The following RIC1 variants were observed in gnomAD, a reference collection of about 807,000 sequenced individuals.
RIC1 encodes guanine nucleotide exchange factor subunit RIC1.
Under a neutral mutation model 169.0 loss-of-function variants are expected in RIC1, and 88 were observed. That is an observed-to-expected ratio of 0.52 (90% CI 0.44 to 0.62). RIC1 has a LOEUF of 0.62. Ranked by LOEUF, RIC1 falls within the 20% of genes least tolerant of loss-of-function variation. The probability of loss-of-function intolerance (pLI) is 0.00; values close to 1 mark genes in which losing one functional copy is unlikely to be tolerated. For synonymous variants in RIC1, 790 were observed against 601.5 expected (o/e 1.31, Z -4.59); for missense variants, 1,877 against 1,725.5 (o/e 1.09, Z -1.56).
At chr9:5,738,028 T>G (rs557558471) in intron 7 of RIC1, among the ~76,000 whole-genome samples, 2 of 152,210 alleles carry the variant, frequency 1.3e-5, no homozygotes, top group South Asian at 4.1e-4. Flanking sequence ...GCAGTTCAGA[T>G]CCATGTTGTT....
intron 6 of RIC1, among the ~76,000 whole-genome samples, chr9:5,727,524 C>T (rs1243075896): frequency 6.6e-6 from 1 of 152,200 alleles, no homozygotes. Flanking sequence ...TACTGATCGT[C>T]TGAAGCCTTC....
Position 5,763,020 on chromosome 9 carries a change from T to C in RIC1, c.2113-120T>C. ...AACTCTAATTCTAATTAGATCCCTT[T>C]GCTTTTCCCAAAAAAATATTATACT... On this transcript the variant is annotated intron_variant, in intron 18 of 25. Coordinates refer to ENST00000414202, the MANE Select transcript of RIC1 (RefSeq NM_020829.4). This position sits in a 1 kb window ranked among gnomAD's most constrained non-coding sequence, Gnocchi z 5.2. 1 of 1,228,946 alleles carries C rather than the reference T, an allele frequency of 8.1e-7. No individual in the cohort carries two copies. The highest frequency in any genetic ancestry group is 1.6e-5 in the South Asian group (1 of 62,270). The allele number at this position is 1,228,946 out of a possible 1,614,324, so 76.1% of individuals were successfully genotyped here. A position where few individuals can be genotyped will look rare whatever the true frequency, so the allele number is the denominator to read the frequency against.
intron 3 of RIC1, among the ~76,000 whole-genome samples, chr9:5,692,512 G>T (rs2130724747): frequency 6.6e-6 from 1 of 151,632 alleles, no homozygotes; most frequent in East Asian, 1.9e-4. Context: ...TTACTTCTTT[G>T]CCAGAGTCTA....
At chr9:5,726,922 T>G (rs1024561252) in intron 6 of RIC1, among the ~76,000 whole-genome samples, 1 of 152,230 alleles carries the variant, frequency 6.6e-6, no homozygotes, top group Admixed American at 6.5e-5. Context: ...CTTAGAGATC[T>G]GCTGTTAGTC....
intron 2 of RIC1, among the ~76,000 whole-genome samples, chr9:5,680,720 C>G (rs987922015): frequency 6.7e-6 from 1 of 149,392 alleles, no homozygotes; most frequent in Non-Finnish European, 1.5e-5. Context: ...TTTATTGCGT[C>G]TGTTTGATTC....
intron 3 of RIC1, among the ~76,000 whole-genome samples, chr9:5,707,344 T>C (rs954880005): frequency 6.6e-6 from 1 of 152,160 alleles, no homozygotes; most frequent in African/African-American, 2.4e-5. Flanking sequence ...GAGAATAATA[T>C]GTATTCTGCT....
chr9:5,629,199 C>G lies in RIC1; in HGVS notation c.-111C>G. 9.9e-7 allele frequency: 1 copy of G among 1,014,738 alleles called. No individual in the cohort carries two copies. Among genetic ancestry groups the G allele is most frequent in the Non-Finnish European group, 1.3e-6 (1 of 786,200 alleles). The allele number at this position is 1,014,738 out of a possible 1,614,324, so 62.9% of individuals were successfully genotyped here. A position where few individuals can be genotyped will look rare whatever the true frequency, so the allele number is the denominator to read the frequency against. Reference sequence around the variant, plus strand: ...CCAGCGGGCAGATGCCCCGAGCTGCCGCCGCCGCCGCCGCCGACTCGGCCG... The same window carrying G: ...CCAGCGGGCAGATGCCCCGAGCTGCGGCCGCCGCCGCCGCCGACTCGGCCG... On this transcript the variant is annotated 5_prime_UTR_variant, in exon 1 of 26. Coordinates refer to ENST00000414202, the MANE Select transcript of RIC1 (RefSeq NM_020829.4).
intron 2 of RIC1, among the ~76,000 whole-genome samples, chr9:5,686,785 A>G (rs1821269011): frequency 6.6e-6 from 1 of 152,186 alleles, no homozygotes; most frequent in African/African-American, 2.4e-5. Context: ...AATAATAAAA[A>G]AAAAGAATAT....
rs1252208295 is a variant in RIC1, at chr9:5,629,448, A to T, written c.139A>T (p.Ser47Cys). The change falls in exon 1 of 26, where the codon AGC (serine) becomes TGC (cysteine). Residue 47 changes from serine to cysteine, a missense_variant. By Grantham distance (112) the Ser-to-Cys change is moderately radical. Transcript: ENST00000414202. ...CGCGGCCCGCCTCAGCATCTGGTAC[A>T]GCCGAGTAAGTAGAGCCGCCCGCCG... Reference protein sequence around the residue: ...LAAARLSIWYSRPSVLIVTYK... With the variant: ...LAAARLSIWYCRPSVLIVTYK... The T allele has an allele frequency of 2.0e-6, 3 of 1,530,466 alleles. No homozygotes were observed. In the East Asian group the frequency reaches 7.4e-5, roughly 38 times the overall value. The allele number at this position is 1,530,466 out of a possible 1,614,324, so 94.8% of individuals were successfully genotyped here.
At chr9:5,647,930 G>A (rs1310612830) in intron 1 of RIC1, among the ~76,000 whole-genome samples, 1 of 140,494 alleles carries the variant, frequency 7.1e-6, no homozygotes, top group Non-Finnish European at 1.5e-5. Context: ...TTGTGTGTGT[G>A]GGGGTGGGTG....
intron 3 of RIC1, among the ~76,000 whole-genome samples, chr9:5,705,242 G>A (rs1822510233): frequency 3.1e-5 from 4 of 130,448 alleles, no homozygotes; most frequent in Admixed American, 1.6e-4. Context: ...GGTAGAAATT[G>A]CATTTAATCT....
intron 4 of RIC1, among the ~76,000 whole-genome samples, chr9:5,715,909 A>G (rs1823210320): frequency 6.6e-6 from 1 of 151,044 alleles, no homozygotes. Context: ...TTGCAGCGGC[A>G]TGATCACAGC....
At chr9:5,760,048 T>C (rs1483007503) in intron 17 of RIC1, among the ~76,000 whole-genome samples, 1 of 152,180 alleles carries the variant, frequency 6.6e-6, no homozygotes. Context: ...AATTGACTGA[T>C]TACCATAGAG....
rs1827584965 is a variant in RIC1 at position 5,776,338 on chromosome 9, C to T, written c.*2092C>T. 6.6e-6 allele frequency: 1 copy of T among 152,014 alleles called. No homozygotes were observed. Among genetic ancestry groups the T allele is most frequent in the South Asian group, 2.1e-4 (1 of 4,822 alleles). 9.4% of individuals were successfully genotyped at this position (152,014 alleles called of 1,614,324 possible). On this transcript the variant is annotated 3_prime_UTR_variant, in exon 26 of 26. Coordinates refer to ENST00000414202, the MANE Select transcript of RIC1 (RefSeq NM_020829.4). Reference sequence around the variant, plus strand: ...TTATTGTGGTGTTTGGTTCACATATCAACTGTTTAAGCCATAATTTTAGCC... The same window carrying T: ...TTATTGTGGTGTTTGGTTCACATATTAACTGTTTAAGCCATAATTTTAGCC...
intron 3 of RIC1, among the ~76,000 whole-genome samples, chr9:5,694,261 A>T (rs1015971323): frequency 8.5e-5 from 13 of 152,368 alleles, no homozygotes; most frequent in African/African-American, 3.1e-4. Flanking sequence ...GTGACAAGAG[A>T]TCTGAATTAG....
At chr9:5,648,181 G>C (rs1818626289) in intron 1 of RIC1, among the ~76,000 whole-genome samples, 1 of 151,970 alleles carries the variant, frequency 6.6e-6, no homozygotes, top group Admixed American at 6.6e-5. Flanking sequence ...ACAGGGTTTT[G>C]CCATGTTGTT....
rs950679298 is a variant in RIC1 at position 5,775,228 on chromosome 9, G to A, written c.*982G>A. 6 of 152,288 alleles carry A rather than the reference G, an allele frequency of 3.9e-5. No individual in the cohort carries two copies. In the South Asian group the frequency reaches 1.2e-3, roughly 32 times the overall value. 9.4% of individuals were successfully genotyped at this position (152,288 alleles called of 1,614,324 possible). On this transcript the variant is annotated 3_prime_UTR_variant, in exon 26 of 26. Transcript: ENST00000414202. ...TGCTTTTGTAAATTGAATAAAGATGGACTTCTATGTAAATAGACTGCTGAA... is the reference window on the plus strand; with the variant it reads ...TGCTTTTGTAAATTGAATAAAGATGAACTTCTATGTAAATAGACTGCTGAA...
Position 5,629,157 on chromosome 9 carries a change from G to T in RIC1, c.-153G>T, listed in dbSNP as rs531818688. 4 of 667,348 alleles carry T rather than the reference G, an allele frequency of 6.0e-6. No homozygotes were observed. The Admixed American group carries it at 1.8e-4, about 30-fold the overall frequency. 41.3% of individuals were successfully genotyped at this position (667,348 alleles called of 1,614,324 possible). A position where few individuals can be genotyped will look rare whatever the true frequency, so the allele number is the denominator to read the frequency against. ...TGCCTTCGTCGCGCAGCCTTGCGTC[G>T]GCCCGGCCCGGCCAGGCCAGCGGGC... On this transcript the variant is annotated 5_prime_UTR_variant, in exon 1 of 26. Coordinates refer to ENST00000414202, the MANE Select transcript of RIC1 (RefSeq NM_020829.4).
chr9:5,692,160 AT>A (rs1167711500), intron 3 of RIC1, among the ~76,000 whole-genome samples: 1 of 152,050 alleles, frequency 6.6e-6, no homozygotes, highest in African/African-American at 2.4e-5. Flanking sequence ...TAAAATGTGC[AT>A]TGCTTTAGAG....
Sources: gnomAD v4.1 joint callset for allele counts (sites outside exome capture counted in the v4.1 genomes callset) on GRCh38, gnomAD v4.1.1 for gene constraint, Gnocchi (gnomAD v3.1) non-coding constraint, MANE v1.5 for transcripts, NCBI Gene and HGNC (gene_info 2026-07-23, HGNC 2026-07-21) for gene names.